FTCDNL1: variants seen among roughly 807,000 people sequenced by gnomAD.
The protein encoded by FTCDNL1 is formiminotransferase cyclodeaminase N-terminal like, also known as formiminotransferase N-terminal subdomain-containing protein.
Under a neutral mutation model 5.9 loss-of-function variants are expected in FTCDNL1, and 11 were observed. The ratio of observed to expected loss-of-function variants is 1.87; its 90% confidence interval spans 1.18 to 3.10. The LOEUF (loss-of-function observed/expected upper bound fraction) is 3.10, where lower values mean the gene tolerates loss of function less well. FTCDNL1 is among the 30% of genes most tolerant of loss of function. The probability of loss-of-function intolerance (pLI) is 0.00; values close to 1 mark genes in which losing one functional copy is unlikely to be tolerated. For missense variants in FTCDNL1, 115 were observed against 65.5 expected, an observed-to-expected ratio of 1.76 and a Z score of -2.61; for synonymous variants, 58 against 24.8, an observed-to-expected ratio of 2.34 and a Z score of -3.99.
the FTCDNL1 span, among the ~76,000 whole-genome samples, chr2:199,716,024 G>C: frequency 7.4e-5 from 9 of 120,970 alleles, no homozygotes; most frequent in South Asian, 1.6e-3. Flanking sequence ...GAACTCTACT[G>C]CCTCTAGTTA....
At chr2:199,666,709 G>A in the FTCDNL1 span, among the ~76,000 whole-genome samples, 1 of 152,108 alleles carries the variant, frequency 6.6e-6, no homozygotes, top group Non-Finnish European at 1.5e-5. Flanking sequence ...AAGGTCAGGA[G>A]TTCGAGACCA....
chr2:199,681,771 A>G, the FTCDNL1 span, among the ~76,000 whole-genome samples: 5 of 152,238 alleles, frequency 3.3e-5, no homozygotes, highest in African/African-American at 1.2e-4. Flanking sequence ...TTCCCACTTT[A>G]AATAACATAC....
At chr2:199,704,626 G>T in the FTCDNL1 span, among the ~76,000 whole-genome samples, 3 of 152,118 alleles carry the variant, frequency 2.0e-5, no homozygotes, top group Non-Finnish European at 4.4e-5. Context: ...TAAATGGGAA[G>T]GGAGAAGCAC....
chr2:199,670,958 T>C, the FTCDNL1 span, among the ~76,000 whole-genome samples: 2 of 152,066 alleles, frequency 1.3e-5, no homozygotes, highest in Admixed American at 6.5e-5. Flanking sequence ...ACTACCAGCT[T>C]CTCGGAAGAA....
At chr2:199,701,247 C>T in the FTCDNL1 span, among the ~76,000 whole-genome samples, 3 of 136,716 alleles carry the variant, frequency 2.2e-5, no homozygotes, top group Admixed American at 1.6e-4. Flanking sequence ...CAAATCAAAA[C>T]TACAATGAGA....
At chr2:199,713,812 T>G in the FTCDNL1 span, among the ~76,000 whole-genome samples, 18 of 152,204 alleles carry the variant, frequency 1.2e-4, no homozygotes, top group Admixed American at 1.2e-3. Context: ...TCTAATTCCA[T>G]TATTGGACTA....
the FTCDNL1 span, among the ~76,000 whole-genome samples, chr2:199,733,026 G>A: frequency 2.0e-4 from 31 of 152,328 alleles, no homozygotes; most frequent in African/African-American, 7.5e-4. Flanking sequence ...GCACCATAGA[G>A]CTGGACAGAA....
In FTCDNL1 at chr2:199,810,324, A is replaced by G. The variant is rs1405750624; in HGVS notation, c.*2381T>C. 6.6e-6 allele frequency among the ~76,000 whole-genome samples: 1 copy of G among 152,230 alleles called. No individual in the cohort carries two copies. Among genetic ancestry groups the G allele is most frequent in the South Asian group, 2.1e-4 (1 of 4,830 alleles). ...TCTCAAAACCAGTCTTAATTAGGGA[A>G]AGAGGTCACTAAAAACTAACAAACA... On this transcript the variant is annotated 3_prime_UTR_variant, in exon 5 of 5. Transcript: ENST00000420128.
chr2:199,686,129 G>A, the FTCDNL1 span, among the ~76,000 whole-genome samples: 9 of 152,320 alleles, frequency 5.9e-5, no homozygotes, highest in Middle Eastern at 3.4e-3. Flanking sequence ...GGCTATCTCC[G>A]CTGTTCAGCG....
At chr2:199,808,850 G>C (rs1396471009), downstream of FTCDNL1, among the ~76,000 whole-genome samples, 3 of 152,172 alleles carry the variant, frequency 2.0e-5, no homozygotes, top group Non-Finnish European at 4.4e-5. Context: ...CTATTTCATA[G>C]CTAATGAAAT....
chr2:199,801,811 G>A (rs943298467), intron 3 of FTCDNL1, among the ~76,000 whole-genome samples: 14 of 151,662 alleles, frequency 9.2e-5, no homozygotes, highest in African/African-American at 2.9e-4. Flanking sequence ...AGCGCCGGGT[G>A]CCTGTAGTCC....
chr2:199,701,590 A>G, the FTCDNL1 span, among the ~76,000 whole-genome samples: 6 of 152,332 alleles, frequency 3.9e-5, no homozygotes, highest in Admixed American at 2.6e-4. Context: ...TGGATAAAGG[A>G]AATGTTGTAT....
intron 4 of FTCDNL1, among the ~76,000 whole-genome samples, chr2:199,816,663 C>T (rs1303660103): frequency 6.6e-6 from 1 of 152,138 alleles, no homozygotes; most frequent in Non-Finnish European, 1.5e-5. Context: ...TAAAACTCTC[C>T]TCCACATCTC....
chr2:199,740,445 C>A, the FTCDNL1 span, among the ~76,000 whole-genome samples: 1 of 152,224 alleles, frequency 6.6e-6, no homozygotes, highest in Non-Finnish European at 1.5e-5. Context: ...GCCCCATTCC[C>A]TCTTGCCCCC....
the FTCDNL1 span, among the ~76,000 whole-genome samples, chr2:199,704,056 A>G: frequency 2.6e-5 from 4 of 152,144 alleles, no homozygotes; most frequent in African/African-American, 4.8e-5. Context: ...TCAGAGGACA[A>G]TTGAATCTTG....
At chr2:199,674,408 C>T in the FTCDNL1 span, among the ~76,000 whole-genome samples, 8 of 152,148 alleles carry the variant, frequency 5.3e-5, no homozygotes, top group Non-Finnish European at 1.2e-4. Flanking sequence ...TACTGGTGAA[C>T]TTCACATAGC....
chr2:199,736,712 T>A, the FTCDNL1 span, among the ~76,000 whole-genome samples: 1 of 152,198 alleles, frequency 6.6e-6, no homozygotes, highest in Non-Finnish European at 1.5e-5. Context: ...ACTTGACTAG[T>A]GTCATTCGGC....
Position 199,851,126 on chromosome 2 carries a change from C to A in FTCDNL1, c.-394G>T, listed in dbSNP as rs1417329711. 1 of 137,820 alleles carries A rather than the reference C, an allele frequency of 7.3e-6. No homozygotes were observed. The highest frequency in any genetic ancestry group is 6.9e-5 in the Admixed American group (1 of 14,414). 8.5% of individuals were successfully genotyped at this position (137,820 alleles called of 1,614,324 possible). ...GCGACCGCCCAGCCCAAGTCGCCGC[C>A]GCGCGTGGCCCGCGCGCAGCCTCCG... is the stretch of plus-strand genomic sequence containing the variant. On this transcript the variant is annotated 5_prime_UTR_variant, in exon 1 of 5. Coordinates refer to ENST00000420128, the MANE Select transcript of FTCDNL1 (RefSeq NM_001363886.2).
the FTCDNL1 span, among the ~76,000 whole-genome samples, chr2:199,742,468 T>G: frequency 2.6e-5 from 4 of 152,224 alleles, no homozygotes; most frequent in African/African-American, 9.7e-5. Context: ...TTCTCTTCCT[T>G]ATTTTAATTT....
Sources: allele counts gnomAD v4.1 joint callset (sites outside exome capture counted in the v4.1 genomes callset), GRCh38; gene constraint gnomAD v4.1.1; transcripts MANE v1.5; gene names NCBI Gene and HGNC (gene_info 2026-07-23, HGNC 2026-07-21).